Variants in ULK4 observed in about 807,000 individuals in gnomAD.
ULK4 encodes the protein unc-51 like kinase 4.
A neutral mutation model predicts 160.6 loss-of-function variants in ULK4; 133 were observed. The ratio of observed to expected loss-of-function variants is 0.83; its 90% CI spans 0.72 to 0.96. The LOEUF (loss-of-function observed/expected upper bound fraction) is 0.96, where lower values mean the gene tolerates loss of function less well. ULK4 is among the 40% of genes least tolerant of loss of function. The probability of loss-of-function intolerance (pLI) is 0.00; values close to 1 mark genes in which losing one functional copy is unlikely to be tolerated. For missense variants in ULK4, 1,580 were observed against 1,499.5 expected, an observed-to-expected ratio of 1.05 and a Z score of -0.89; for synonymous variants, 534 against 539.8, an observed-to-expected ratio of 0.99 and a Z score of 0.15.
chr3:41,249,453 T>G (rs780226123), intron 36 of ULK4, 36 bp downstream of exon 36: 2 of 1,591,120 alleles, frequency 1.3e-6, no homozygotes, highest in Non-Finnish European at 8.6e-7. Flanking sequence ...TGTGCTGATC[T>G]AGAGCAGACT....
intron 20 of ULK4, among the ~76,000 whole-genome samples, chr3:41,797,646 G>C (rs2040341339): frequency 6.6e-6 from 1 of 152,124 alleles, no homozygotes; most frequent in African/African-American, 2.4e-5. Context: ...GATCACCTGA[G>C]GTCAGGAGTT....
intron 22 of ULK4, among the ~76,000 whole-genome samples, chr3:41,721,362 A>ATATATATTT (rs1553639902): frequency 3.6e-5 from 1 of 27,934 alleles, no homozygotes; most frequent in Non-Finnish European, 5.7e-5. Flanking sequence ...ATATATATAT[A>ATATATATTT]TTTTTTTTTT....
Position 41,615,650 on chromosome 3 carries a change from T to C in ULK4, c.3120+19A>G, listed in dbSNP as rs1417459945. 6 of 1,610,954 alleles carry C rather than the reference T, an allele frequency of 3.7e-6. No homozygotes were observed. Among genetic ancestry groups the C allele is most frequent in the Non-Finnish European group, 5.1e-6 (6 of 1,178,308 alleles). On this transcript the variant is annotated intron_variant, in intron 31 of 36. Transcript: ENST00000301831. The stretch of plus-strand genomic sequence containing the variant: ...TTCAAAATTTCATTTGAATTTCAAA[T>C]GCACATTTCCGTTCTTACCAGAGTT...
intron 35 of ULK4, among the ~76,000 whole-genome samples, chr3:41,347,288 G>C (rs2080819585): frequency 6.6e-6 from 1 of 152,110 alleles, no homozygotes; most frequent in African/African-American, 2.4e-5. Context: ...TTTAGCATGT[G>C]AAATGTCTTT....
At chr3:41,824,635 C>A (rs551137165) in intron 18 of ULK4, among the ~76,000 whole-genome samples, 4 of 152,152 alleles carry the variant, frequency 2.6e-5, no homozygotes, top group Non-Finnish European at 5.9e-5. Flanking sequence ...CCTACCATTG[C>A]CGAGGCTTGA....
chr3:41,644,675 C>T lies in ULK4; in HGVS notation c.3071+18932G>A, dbSNP rs1313820051. On this transcript the variant is annotated intron_variant, in intron 30 of 36. Transcript: ENST00000301831. ...TTCTCTTTTTTGGTTGTGTCTCTGC[C>T]CGGCTTTGGTATCAGGATGATGCTG... Among the ~76,000 whole-genome samples the T allele has an allele frequency of 4.6e-5, 7 of 151,410 alleles. No individual in the cohort carries two copies. In the East Asian group the frequency reaches 1.4e-3, roughly 29 times the overall value.
intron 35 of ULK4, among the ~76,000 whole-genome samples, chr3:41,269,970 C>T (rs950648651): frequency 5.3e-5 from 8 of 151,730 alleles, no homozygotes; most frequent in East Asian, 1.9e-4. Context: ...CTGACATGTG[C>T]GAAAATTATA....
intron 19 of ULK4, among the ~76,000 whole-genome samples, chr3:41,811,575 C>T (rs1425501207): frequency 6.6e-6 from 1 of 152,248 alleles, no homozygotes; most frequent in Middle Eastern, 3.4e-3. Flanking sequence ...ACGTAGATCT[C>T]TGCTTAGAAG....
chr3:41,772,517 C>A (rs1265093198), intron 21 of ULK4, among the ~76,000 whole-genome samples: 1 of 152,024 alleles, frequency 6.6e-6, no homozygotes, highest in Non-Finnish European at 1.5e-5. Flanking sequence ...AAGACTAAAC[C>A]AGGAAGAAGT....
chr3:41,711,153 A>C (rs1327224557), intron 25 of ULK4, among the ~76,000 whole-genome samples: 1 of 152,224 alleles, frequency 6.6e-6, no homozygotes, highest in East Asian at 1.9e-4. Context: ...CCAATGATGC[A>C]AGAGAGGCAA....
At chr3:41,539,216 T>C (rs1310882138) in intron 32 of ULK4, among the ~76,000 whole-genome samples, 2 of 152,144 alleles carry the variant, frequency 1.3e-5, no homozygotes, top group East Asian at 1.9e-4. Flanking sequence ...TTGTGTGCCA[T>C]GCAGCCTTCA....
At chr3:41,296,644 G>A (rs1002237460) in intron 35 of ULK4, among the ~76,000 whole-genome samples, 4 of 151,988 alleles carry the variant, frequency 2.6e-5, no homozygotes, top group Non-Finnish European at 5.9e-5. Context: ...AGGAGAAAGG[G>A]AGGCAGCCAC....
At chr3:41,945,018 T>C (rs544044956) in intron 2 of ULK4, among the ~76,000 whole-genome samples, 3 of 152,302 alleles carry the variant, frequency 2.0e-5, no homozygotes, top group East Asian at 1.9e-4. Flanking sequence ...AATTCCAGAA[T>C]TGATTATGGG....
intron 1 of ULK4, among the ~76,000 whole-genome samples, chr3:41,956,895 T>C (rs1255353404): frequency 2.0e-5 from 3 of 152,222 alleles, no homozygotes; most frequent in Non-Finnish European, 4.4e-5. Flanking sequence ...ATATTTACTA[T>C]TTGTCCCTTT....
At chr3:41,651,992 A>G (rs1248053719) in intron 30 of ULK4, among the ~76,000 whole-genome samples, 1 of 152,192 alleles carries the variant, frequency 6.6e-6, no homozygotes, top group African/African-American at 2.4e-5. Flanking sequence ...CCAGAGAAGA[A>G]TAACTATAAT....
intron 35 of ULK4, among the ~76,000 whole-genome samples, chr3:41,381,480 G>A (rs928608798): frequency 6.6e-6 from 1 of 152,092 alleles, no homozygotes; most frequent in African/African-American, 2.4e-5. Flanking sequence ...TGAGCTCCTG[G>A]TTTTCTCTCT....
chr3:41,644,612 T>C (rs1180895774), intron 30 of ULK4, among the ~76,000 whole-genome samples: 2 of 152,172 alleles, frequency 1.3e-5, no homozygotes, highest in African/African-American at 4.8e-5. Flanking sequence ...TTATTGAGGA[T>C]TTTTGCATCA....
intron 30 of ULK4, among the ~76,000 whole-genome samples, chr3:41,654,246 A>T (rs768311743): frequency 6.6e-6 from 1 of 152,230 alleles, no homozygotes; most frequent in Non-Finnish European, 1.5e-5. Context: ...CTAGAACCAG[A>T]CAAGACAACA....
chr3:41,293,413 A>T (rs1239019904), intron 35 of ULK4, among the ~76,000 whole-genome samples: 1 of 152,114 alleles, frequency 6.6e-6, no homozygotes, highest in African/African-American at 2.4e-5. Context: ...TCCTCCACTC[A>T]CTCCGTAACC....
Sources: gnomAD v4.1 joint callset for allele counts (sites outside exome capture counted in the v4.1 genomes callset) on GRCh38, gnomAD v4.1.1 for gene constraint, MANE v1.5 for transcripts, NCBI Gene and HGNC (gene_info 2026-07-23, HGNC 2026-07-21) for gene names.